The following FOSL2 variants were observed in gnomAD, a reference collection of about 807,000 sequenced individuals.
FOSL2 encodes FOS like 2, AP-1 transcription factor subunit.
In FOSL2, 3 loss-of-function variants were observed where a neutral mutation model predicts 27.7. The ratio of observed to expected loss-of-function variants is 0.11; its 90% CI spans 0.05 to 0.28. The LOEUF (loss-of-function observed/expected upper bound fraction) is 0.28, where lower values mean the gene tolerates loss of function less well. Among genes scored for constraint, FOSL2 ranks in the 10% least tolerant of loss-of-function variants. The pLI is 1.00. For synonymous variants in FOSL2, 179 were observed against 190.1 expected (o/e 0.94, Z 0.48); for missense variants, 333 against 445.1 (o/e 0.75, Z 2.27).
intron 1 of FOSL2, among the ~76,000 whole-genome samples, chr2:28,401,424 C>T (rs989056698): frequency 3.9e-5 from 6 of 152,144 alleles, no homozygotes; most frequent in African/African-American, 1.4e-4. Context: ...ATTTAATCCT[C>T]ATGGCAGTGC....
At chr2:28,402,502 G>C (rs1326846932) in intron 1 of FOSL2, among the ~76,000 whole-genome samples, 1 of 152,276 alleles carries the variant, frequency 6.6e-6, no homozygotes, top group Non-Finnish European at 1.5e-5. Context: ...ACAAGGCAAA[G>C]ACAATGGTGG....
At chr2:28,403,637 G>T (rs1304521014) in intron 1 of FOSL2, among the ~76,000 whole-genome samples, 1 of 152,156 alleles carries the variant, frequency 6.6e-6, no homozygotes, top group East Asian at 1.9e-4. Context: ...GGTGATCTTT[G>T]TTGGTCCAAG....
At chr2:28,407,568 G>A (rs981253750) in intron 2 of FOSL2, among the ~76,000 whole-genome samples, 3 of 152,186 alleles carry the variant, frequency 2.0e-5, no homozygotes, top group African/African-American at 4.8e-5. Flanking sequence ...ATCCCTCCTT[G>A]GGGTAGCTTC....
chr2:28,396,696 A>G (rs1213562744), intron 1 of FOSL2: 1 of 152,084 alleles, frequency 6.6e-6, no homozygotes. Context: ...TGTTTCTCAG[A>G]TAACTTGTGA....
intron 1 of FOSL2, among the ~76,000 whole-genome samples, chr2:28,397,757 T>C (rs1434307176): frequency 6.6e-6 from 1 of 152,230 alleles, no homozygotes; most frequent in Non-Finnish European, 1.5e-5. Flanking sequence ...TAAATGCTTA[T>C]CTGAATGCTG....
At chr2:28,401,360 A>G (rs1378714012) in intron 1 of FOSL2, among the ~76,000 whole-genome samples, 3 of 152,150 alleles carry the variant, frequency 2.0e-5, no homozygotes, top group East Asian at 1.9e-4. Flanking sequence ...ATGTGTAGCC[A>G]GGGTTGAGAA....
chr2:28,397,784 CAG>C (rs1203755171), intron 1 of FOSL2, among the ~76,000 whole-genome samples: 1 of 152,210 alleles, frequency 6.6e-6, no homozygotes, highest in Non-Finnish European at 1.5e-5. Context: ...TGCTTAGACT[CAG>C]AAAGGTTTTG....
At chr2:28,402,859 A>G (rs1324431265) in intron 1 of FOSL2, among the ~76,000 whole-genome samples, 1 of 152,346 alleles carries the variant, frequency 6.6e-6, no homozygotes, top group East Asian at 1.9e-4. Context: ...TGAATAAGTT[A>G]CTTAATCTCA....
intron 3 of FOSL2, among the ~76,000 whole-genome samples, chr2:28,409,708 G>A (rs1664152492): frequency 6.6e-6 from 1 of 152,166 alleles, no homozygotes; most frequent in African/African-American, 2.4e-5. Flanking sequence ...GCCCAGGATG[G>A]GGCTTTGGAA....
At chr2:28,399,675 C>G (rs1168901545) in intron 1 of FOSL2, among the ~76,000 whole-genome samples, 4 of 152,174 alleles carry the variant, frequency 2.6e-5, no homozygotes, top group African/African-American at 9.7e-5. Flanking sequence ...CCTCGGCTAC[C>G]TGGGTTGGAG....
chr2:28,405,774 G>A (rs1046689615), intron 2 of FOSL2, among the ~76,000 whole-genome samples: 7 of 152,222 alleles, frequency 4.6e-5, no homozygotes, highest in Non-Finnish European at 1.0e-4. Context: ...ACAGCTGCAT[G>A]TTGGGCCTCT....
In FOSL2 at chr2:28,416,738, T is replaced by C. The variant is rs1664319063; in HGVS notation, c.*4290T>C. 6.6e-6 allele frequency: 1 copy of C among 152,132 alleles called. No individual in the cohort carries two copies. The highest frequency in any genetic ancestry group is 6.5e-5 in the Admixed American group (1 of 15,268). 9.4% of individuals were successfully genotyped at this position (152,132 alleles called of 1,614,324 possible). On this transcript the variant is annotated 3_prime_UTR_variant, in exon 4 of 4. Coordinates refer to ENST00000264716, the MANE Select transcript of FOSL2 (RefSeq NM_005253.4). ...TTTTGAGGAAGAAAATATTTGACTT[T>C]GTGTAAAGAGTAGGGTATCAGGGTG...
At chr2:28,410,671 A>ACGTG (rs1664174853) in intron 3 of FOSL2, 1 of 320,616 alleles carries the variant, frequency 3.1e-6, no homozygotes, top group South Asian at 1.2e-4. Flanking sequence ...CGGCCCCTCC[A>ACGTG]CGTGCACTTG....
In FOSL2 at chr2:28,411,847, A is replaced by T. The variant is rs75631097; in HGVS notation, c.463-83A>T. The T allele has an allele frequency of 8.2e-4, 1,210 of 1,482,086 alleles. 8 individuals are homozygous for T. In the African/African-American group the frequency reaches 0.015, roughly 18 times the overall value. 91.8% of individuals were successfully genotyped at this position (1,482,086 alleles called of 1,614,324 possible). On this transcript the variant is annotated intron_variant, in intron 3 of 3. Transcript: ENST00000264716. ...TGAGCCTCTGCTCTCACAGTGTCTG[A>T]GAACATTACTGGTTTTCTCTTTCCT...
At position 28,392,901 on chromosome 2, in the gene FOSL2, C is replaced by CAGCG. The variant is rs1476344672; in HGVS notation, c.-810_-807dup. 11 of 714,074 alleles carry CAGCG rather than the reference C, an allele frequency of 1.5e-5. No homozygotes were observed. The highest frequency in any genetic ancestry group is 4.0e-5 in the Admixed American group (2 of 49,844). 44.2% of individuals were successfully genotyped at this position (714,074 alleles called of 1,614,324 possible). On this transcript the variant is annotated 5_prime_UTR_variant, in exon 1 of 4. Coordinates refer to ENST00000264716, the MANE Select transcript of FOSL2 (RefSeq NM_005253.4). ...CAGAGCGCTAGGGCTCCGAGCGAACCAGCGAGCGAGCGAACGAGCGGCGCT... is the reference window on the plus strand; with the variant it reads ...CAGAGCGCTAGGGCTCCGAGCGAACCAGCGAGCGAGCGAGCGAACGAGCGGCGCT...
chr2:28,406,582 TC>T (rs1572491921), intron 2 of FOSL2, among the ~76,000 whole-genome samples: 1 of 152,228 alleles, frequency 6.6e-6, no homozygotes, highest in African/African-American at 2.4e-5. Flanking sequence ...CCTGTGGTTT[TC>T]CCACCACACC....
rs917973896 is a variant in FOSL2, at chr2:28,413,087, C to T, written c.*639C>T. The T allele has an allele frequency of 2.4e-5, 4 of 168,370 alleles. No homozygotes were observed. The highest frequency in any genetic ancestry group is 3.3e-4 in the East Asian group (2 of 6,040). 10.4% of individuals were successfully genotyped at this position (168,370 alleles called of 1,614,324 possible). A position where few individuals can be genotyped will look rare whatever the true frequency, so the allele number is the denominator to read the frequency against. ...CAGTCATCATCTCCAGAACTCCCAG[C>T]GGGGCTCCCTGAGCTCTCAAGGAGA... On this transcript the variant is annotated 3_prime_UTR_variant, in exon 4 of 4. Coordinates refer to ENST00000264716, the MANE Select transcript of FOSL2 (RefSeq NM_005253.4).
In FOSL2 at chr2:28,393,884, A is replaced by G; in HGVS notation, c.102+62A>G. The G allele has an allele frequency of 4.6e-6, 5 of 1,094,160 alleles. No individual in the cohort carries two copies. The highest frequency in any genetic ancestry group is 6.6e-6 in the Non-Finnish European group (5 of 755,126). The allele number at this position is 1,094,160 out of a possible 1,614,324, so 67.8% of individuals were successfully genotyped here. A position where few individuals can be genotyped will look rare whatever the true frequency, so the allele number is the denominator to read the frequency against. ...GGACCCCTGCCCTCTTCTCGCCGCC[A>G]CTGCCTCTTTTGCTTTCTTTTCTTT... is the stretch of plus-strand genomic sequence containing the variant. On this transcript the variant is annotated intron_variant, in intron 1 of 3. Transcript: ENST00000264716. This position sits in a 1 kb window ranked among gnomAD's most constrained non-coding sequence, Gnocchi z 4.6.
In FOSL2 at chr2:28,393,544, T is replaced by C; in HGVS notation, c.-177T>C. ...AGGGACGCTCGGGGGACGCTGTTCC[T>C]GAGGTGTCGCCGCCTCCCTGTCCTC... On this transcript the variant is annotated 5_prime_UTR_variant, in exon 1 of 4. Transcript: ENST00000264716. The surrounding 1 kb of genome is among the most constrained non-coding windows in gnomAD (Gnocchi z 4.6). 2 of 575,290 alleles carry C rather than the reference T, an allele frequency of 3.5e-6. No individual in the cohort carries two copies. 35.6% of individuals were successfully genotyped at this position (575,290 alleles called of 1,614,324 possible). A position where few individuals can be genotyped will look rare whatever the true frequency, so the allele number is the denominator to read the frequency against.
Sources: allele counts gnomAD v4.1 joint callset (sites outside exome capture counted in the v4.1 genomes callset), GRCh38; gene constraint gnomAD v4.1.1; non-coding constraint Gnocchi (gnomAD v3.1); transcripts MANE v1.5; gene names NCBI Gene and HGNC (gene_info 2026-07-23, HGNC 2026-07-21).